TBC1D22A: variants seen among roughly 807,000 people sequenced by gnomAD.
The protein encoded by TBC1D22A is TBC1 domain family member 22A.
In TBC1D22A, 38 loss-of-function variants were observed where a neutral mutation model predicts 60.2. That is an observed-to-expected ratio of 0.63 (90% CI 0.49 to 0.83). The LOEUF is 0.83. Among genes scored for constraint, TBC1D22A ranks in the 40% least tolerant of loss-of-function variants. The pLI, the probability that TBC1D22A is intolerant of heterozygous loss-of-function variation, is 0.00. For synonymous variants in TBC1D22A, 302 were observed against 281.7 expected, an observed-to-expected ratio of 1.07 and a Z score of -0.72; for missense variants, 628 against 701.0, an observed-to-expected ratio of 0.90 and a Z score of 1.18.
chr22:47,052,315 G>C (rs371285993), intron 11 of TBC1D22A, among the ~76,000 whole-genome samples: 1 of 152,190 alleles, frequency 6.6e-6, no homozygotes, highest in African/African-American at 2.4e-5. Flanking sequence ...TCGGCCATGC[G>C]GCCTGTGTGG....
chr22:47,025,739 CT>C (rs1245792552), intron 10 of TBC1D22A, among the ~76,000 whole-genome samples: 1 of 152,006 alleles, frequency 6.6e-6, no homozygotes, highest in Non-Finnish European at 1.5e-5. Context: ...TGCGAAGAGG[CT>C]GTGCTTAGAG....
intron 9 of TBC1D22A, among the ~76,000 whole-genome samples, chr22:46,981,899 C>CA (rs1200526534): frequency 6.6e-6 from 1 of 152,232 alleles, no homozygotes; most frequent in Non-Finnish European, 1.5e-5. Flanking sequence ...ATCCAGCACA[C>CA]AGAGAATATT....
Position 46,860,821 on chromosome 22 carries a change from A to C in TBC1D22A, c.638-17832A>C, listed in dbSNP as rs532763787. ...AGCAGGACAGGTCCTCTCGGGCTCG[A>C]GTGTAAATTACACGAGTGTTTCCTG... is the stretch of plus-strand genomic sequence containing the variant. On this transcript the variant is annotated intron_variant, in intron 4 of 12. Transcript: ENST00000337137. 2.6e-5 allele frequency among the ~76,000 whole-genome samples: 4 copies of C among 152,252 alleles called. No individual in the cohort carries two copies. The East Asian group carries it at 7.7e-4, about 29-fold the overall frequency.
chr22:47,003,392 C>A (rs1396590888), intron 10 of TBC1D22A, among the ~76,000 whole-genome samples: 1 of 151,582 alleles, frequency 6.6e-6, no homozygotes, highest in Non-Finnish European at 1.5e-5. Flanking sequence ...GCACACACAC[C>A]CTACACACAC....
intron 10 of TBC1D22A, among the ~76,000 whole-genome samples, chr22:47,001,650 C>T (rs1418658874): frequency 6.6e-6 from 1 of 152,010 alleles, no homozygotes; most frequent in African/African-American, 2.4e-5. Context: ...TCCACAGGCA[C>T]CAGCCTAGAA....
intron 4 of TBC1D22A, among the ~76,000 whole-genome samples, chr22:46,828,686 G>A (rs1353400760): frequency 6.6e-6 from 1 of 152,124 alleles, no homozygotes; most frequent in Non-Finnish European, 1.5e-5. Flanking sequence ...CCTCAGCCTG[G>A]GACAGGAGGC....
At chr22:46,825,944 G>A (rs565569971) in intron 4 of TBC1D22A, among the ~76,000 whole-genome samples, 41 of 148,882 alleles carry the variant, frequency 2.8e-4, no homozygotes, top group Non-Finnish European at 5.2e-4. Context: ...GTACAGTGGC[G>A]CCATCTCGGC....
intron 9 of TBC1D22A, among the ~76,000 whole-genome samples, chr22:46,981,771 G>C (rs770461524): frequency 4.6e-5 from 7 of 152,196 alleles, no homozygotes; most frequent in Non-Finnish European, 8.8e-5. Flanking sequence ...GTCTCGGGCA[G>C]TTCTTTATAG....
intron 8 of TBC1D22A, chr22:46,915,235 T>C (rs767113573): frequency 2.8e-6 from 1 of 360,094 alleles, no homozygotes; most frequent in South Asian, 2.1e-5. Context: ...GGGAAGCTCA[T>C]AGACCAGGGA....
chr22:47,058,009 A>G (rs2063452901), intron 11 of TBC1D22A, among the ~76,000 whole-genome samples: 1 of 152,202 alleles, frequency 6.6e-6, no homozygotes, highest in East Asian at 1.9e-4. Flanking sequence ...GTGTGGCACC[A>G]GCGCAGGGCC....
chr22:47,088,197 C>T (rs2064778828), intron 11 of TBC1D22A, among the ~76,000 whole-genome samples: 1 of 152,076 alleles, frequency 6.6e-6, no homozygotes, highest in Admixed American at 6.5e-5. Context: ...TTATTGGACC[C>T]AGTTATCAAC....
chr22:47,136,030 A>C (rs2066858685), intron 12 of TBC1D22A, among the ~76,000 whole-genome samples: 1 of 152,206 alleles, frequency 6.6e-6, no homozygotes, highest in Non-Finnish European at 1.5e-5. Context: ...TGCAGATTCC[A>C]GGGAGAGGGC....
chr22:46,837,527 T>C (rs554120394), intron 4 of TBC1D22A, among the ~76,000 whole-genome samples: 1 of 152,246 alleles, frequency 6.6e-6, no homozygotes, highest in East Asian at 1.9e-4. Context: ...TTTAAGAGGA[T>C]TGAAATAATA....
At chr22:46,853,589 G>A (rs1241025082) in intron 4 of TBC1D22A, among the ~76,000 whole-genome samples, 1 of 152,208 alleles carries the variant, frequency 6.6e-6, no homozygotes, top group Non-Finnish European at 1.5e-5. Context: ...TTCTTAAAGT[G>A]CTGTTTCCCT....
intron 12 of TBC1D22A, among the ~76,000 whole-genome samples, chr22:47,134,148 A>C (rs2066776142): frequency 6.6e-6 from 1 of 152,212 alleles, no homozygotes; most frequent in Non-Finnish European, 1.5e-5. Context: ...GCCATTAAAG[A>C]AAAAAGTTAC....
intron 4 of TBC1D22A, among the ~76,000 whole-genome samples, chr22:46,800,518 C>G (rs530582861): frequency 6.6e-6 from 1 of 152,170 alleles, no homozygotes. Flanking sequence ...AGAGTGGGTC[C>G]TGGAGCCGGG....
intron 3 of TBC1D22A, 139 bp downstream of exon 3, chr22:46,793,980 G>A (rs1238988818): frequency 4.1e-5 from 35 of 844,436 alleles, no homozygotes; most frequent in Non-Finnish European, 6.0e-5. Flanking sequence ...AGCCCTTATG[G>A]TTCTCTTCCA....
chr22:46,804,117 T>C (rs1026959906), intron 4 of TBC1D22A, among the ~76,000 whole-genome samples: 14 of 152,356 alleles, frequency 9.2e-5, no homozygotes, highest in African/African-American at 3.4e-4. Context: ...GGACGGGCTT[T>C]CCCAACCGTG....
At chr22:46,866,788 A>T (rs941755957) in intron 4 of TBC1D22A, among the ~76,000 whole-genome samples, 10 of 152,246 alleles carry the variant, frequency 6.6e-5, no homozygotes, top group African/African-American at 2.2e-4. Context: ...GGACAGAATC[A>T]CTGTGCTGGG....
Sources: gnomAD v4.1 joint callset for allele counts (sites outside exome capture counted in the v4.1 genomes callset) on GRCh38, gnomAD v4.1.1 for gene constraint, MANE v1.5 for transcripts, NCBI Gene and HGNC (gene_info 2026-07-23, HGNC 2026-07-21) for gene names.